The following MYOM2 variants were observed in gnomAD, a reference collection of about 807,000 sequenced individuals.
The protein encoded by MYOM2 is myomesin 2, also known as myomesin-2.
In MYOM2, 254 loss-of-function variants were observed where a neutral mutation model predicts 187.6. The observed-to-expected ratio is 1.35, with a 90% CI of 1.22 to 1.50. The LOEUF (loss-of-function observed/expected upper bound fraction) is 1.50. MYOM2 is among the 40% of genes most tolerant of loss of function. The pLI is 0.00. For synonymous variants in MYOM2, 981 were observed against 753.8 expected (o/e 1.30, Z -4.94); for missense variants, 2,796 against 1,924.0 (o/e 1.45, Z -8.48).
chr8:2,050,254 T>C (rs1009550270), intron 1 of MYOM2, among the ~76,000 whole-genome samples: 7 of 152,160 alleles, frequency 4.6e-5, no homozygotes, highest in African/African-American at 1.7e-4. Context: ...CAGTCCCACC[T>C]GTCCACCGAG....
At position 2,086,358 on chromosome 8, in the gene MYOM2, CCT is replaced by C. The variant is rs1250829068; in HGVS notation, c.1644+970_1644+971del. 3.0e-3 allele frequency among the ~76,000 whole-genome samples: 296 copies of C among 97,572 alleles called. 104 individuals are homozygous for C. The highest frequency in any genetic ancestry group is 0.01 in the African/African-American group (202 of 19,532). 64.0% of individuals were successfully genotyped at this position (97,572 alleles called of 152,430 possible). ...CCCCACTGTTGTGATCTCTGCGTGG[CCT>C]CCCACTGTTGTGATCTCTGCGTGGC... On this transcript the variant is annotated intron_variant, in intron 14 of 36. Transcript: ENST00000262113.
At chr8:2,051,487 G>A (rs1467564485) in intron 2 of MYOM2, among the ~76,000 whole-genome samples, 1 of 152,200 alleles carries the variant, frequency 6.6e-6, no homozygotes, top group African/African-American at 2.4e-5. Flanking sequence ...GGGAGGGAGG[G>A]ACCGCGGGCA....
rs139120739 is a variant in MYOM2, at chr8:2,069,904, G to A, written c.793+407G>A. ...CCTGAATGCATCATGTTGCTGTTTCGTGTTTAAGGAGATGTTTTTTTTTTC... is the reference window on the plus strand; with the variant it reads ...CCTGAATGCATCATGTTGCTGTTTCATGTTTAAGGAGATGTTTTTTTTTTC... On this transcript the variant is annotated intron_variant, in intron 8 of 36. Coordinates refer to ENST00000262113, the MANE Select transcript of MYOM2 (RefSeq NM_003970.4). 9.2e-3 allele frequency among the ~76,000 whole-genome samples: 1,398 copies of A among 152,268 alleles called. 16 individuals carry two copies. Among genetic ancestry groups the A allele is most frequent in the African/African-American group, 0.032 (1,311 of 41,564 alleles).
chr8:2,045,853 G>A (rs907661712), intron 1 of MYOM2, among the ~76,000 whole-genome samples: 1 of 152,214 alleles, frequency 6.6e-6, no homozygotes, highest in Non-Finnish European at 1.5e-5. Flanking sequence ...GGGGCTGGGT[G>A]GTTGCACGTG....
intron 13 of MYOM2, among the ~76,000 whole-genome samples, chr8:2,084,551 A>G (rs181540172): frequency 2.6e-5 from 4 of 152,312 alleles, no homozygotes; most frequent in Admixed American, 2.6e-4. Flanking sequence ...TCCACTCCTT[A>G]TGAAAATCTC....
chr8:2,089,029 C>A (rs977524819), intron 14 of MYOM2, among the ~76,000 whole-genome samples: 2 of 152,186 alleles, frequency 1.3e-5, no homozygotes, highest in East Asian at 1.9e-4. Flanking sequence ...GGGGCAGATA[C>A]AAAATAGCGG....
At chr8:2,075,885 A>G (rs184295258) in intron 10 of MYOM2, among the ~76,000 whole-genome samples, 8 of 152,344 alleles carry the variant, frequency 5.3e-5, no homozygotes, top group Non-Finnish European at 1.2e-4. Flanking sequence ...GTAATTCAGG[A>G]TCTAATGACG....
At position 2,052,352 on chromosome 8, in the gene MYOM2, G is replaced by C. The variant is rs370900166; in HGVS notation, c.263+39G>C. ...TTCCCTGACTCCACTTGTGCCCTGC[G>C]TGGGGTCACAGTGGAGGGACAGTGG... On this transcript the variant is annotated intron_variant, in intron 3 of 36. Transcript: ENST00000262113. The C allele has an allele frequency of 4.0e-5, 63 of 1,561,848 alleles. No homozygotes were observed. In the African/African-American group the frequency reaches 8.3e-4, roughly 21 times the overall value.
rs572064909 is a variant in MYOM2, at chr8:2,069,583, A to G, written c.793+86A>G. The G allele has an allele frequency of 3.4e-5, 52 of 1,534,952 alleles. No homozygotes were observed. The Middle Eastern group carries it at 9.4e-4, about 28-fold the overall frequency. ...TGAAAACATGGTTTCCTAAGGGCCA[A>G]ATCTTTTTTTTTTTTTGAGACGGAG... is the stretch of plus-strand genomic sequence containing the variant. On this transcript the variant is annotated intron_variant, in intron 8 of 36. Transcript: ENST00000262113.
chr8:2,123,208 G>A (rs767971405), intron 28 of MYOM2, 44 bp from the exon 29 acceptor site: 67 of 1,298,992 alleles, frequency 5.2e-5, no homozygotes, highest in Non-Finnish European at 6.8e-5. Context: ...TTTCTCATGA[G>A]TCAGAATGAT....
chr8:2,098,698 G>A (rs1796578898), intron 18 of MYOM2, among the ~76,000 whole-genome samples, 159 bp from the exon 19 acceptor site: 1 of 152,168 alleles, frequency 6.6e-6, no homozygotes, highest in Non-Finnish European at 1.5e-5. Context: ...CAGCTCGTCG[G>A]CCACATCGAG....
intron 12 of MYOM2, 93 bp downstream of exon 12, chr8:2,079,026 G>T: frequency 2.4e-6 from 3 of 1,253,766 alleles, no homozygotes; most frequent in Non-Finnish European, 3.4e-6. Flanking sequence ...AACTCGATGT[G>T]AGCCCTGAGA....
chr8:2,054,296 T>C (rs1180628611), intron 3 of MYOM2, among the ~76,000 whole-genome samples: 1 of 152,072 alleles, frequency 6.6e-6, no homozygotes, highest in Non-Finnish European at 1.5e-5. Flanking sequence ...CACGTCCTTC[T>C]GGAAGATACG....
At chr8:2,113,397 G>C (rs1797131939) in intron 25 of MYOM2, among the ~76,000 whole-genome samples, 1 of 152,212 alleles carries the variant, frequency 6.6e-6, no homozygotes, top group Non-Finnish European at 1.5e-5. Context: ...GGCTGAGTGA[G>C]CAGAGGTGTG....
intron 25 of MYOM2, among the ~76,000 whole-genome samples, chr8:2,112,771 T>C (rs946771407): frequency 1.3e-5 from 2 of 152,134 alleles, no homozygotes; most frequent in Non-Finnish European, 2.9e-5. Context: ...TGAAAACAAA[T>C]GCACGTGATT....
Position 2,106,253 on chromosome 8 carries a change from A to G in MYOM2, c.2746A>G (p.Ile916Val). ...CTCTTCTTATGCAGGCACCAAGGAA[A>G]TCAGTGCTGGTGTCGATGAACAAGG... ...LVEARPGTKEISAGVDEQGNI... is the reference protein window; with the variant it reads ...LVEARPGTKEVSAGVDEQGNI... The change falls in exon 22 of 37, where the codon ATC (isoleucine) becomes GTC (valine). Residue 916 changes from isoleucine to valine, a missense_variant. Ile to Val is a conservative substitution (Grantham distance 29, BLOSUM62 3). Transcript: ENST00000262113. The G allele has an allele frequency of 6.2e-7, 1 of 1,614,154 alleles. No homozygotes were observed. The highest frequency in any genetic ancestry group is 8.5e-7 in the Non-Finnish European group (1 of 1,180,030).
Position 2,046,730 on chromosome 8 carries a change from TTCTC to T in MYOM2, c.-13+1570_-13+1573del, listed in dbSNP as rs751454381. On this transcript the variant is annotated intron_variant, in intron 1 of 36. Coordinates refer to ENST00000262113, the MANE Select transcript of MYOM2 (RefSeq NM_003970.4). ...ACCCTGCGAGGAAAAGCTGCTTTCT[TTCTC>T]TCTCTCTTTCTTTTTTCTTTTTTTT... Among the ~76,000 whole-genome samples the T allele has an allele frequency of 3.0e-3, 441 of 149,016 alleles. 4 individuals are homozygous for T. Among genetic ancestry groups the T allele is most frequent in the Middle Eastern group, 0.021 (6 of 282 alleles).
intron 28 of MYOM2, among the ~76,000 whole-genome samples, chr8:2,122,744 T>C (rs1429402234): frequency 6.6e-6 from 1 of 152,230 alleles, no homozygotes; most frequent in Non-Finnish European, 1.5e-5. Context: ...TAGCCAGCGA[T>C]TGAATTGTGA....
chr8:2,056,116 C>T (rs1253466704), intron 3 of MYOM2, among the ~76,000 whole-genome samples: 2 of 152,174 alleles, frequency 1.3e-5, no homozygotes, highest in Non-Finnish European at 2.9e-5. Flanking sequence ...AATCCTTTCT[C>T]CTGGGAAGGA....
Sources: allele counts gnomAD v4.1 joint callset (sites outside exome capture counted in the v4.1 genomes callset), GRCh38; gene constraint gnomAD v4.1.1; transcripts MANE v1.5; gene names NCBI Gene and HGNC (gene_info 2026-07-23, HGNC 2026-07-21).